The following DDX10 variants were observed in gnomAD, a reference collection of about 807,000 sequenced individuals.
DDX10 encodes DEAD-box helicase 10, also known as probable ATP-dependent RNA helicase DDX10.
In DDX10, 74 loss-of-function variants were observed where a neutral mutation model predicts 104.3. That is an observed-to-expected ratio of 0.71 (90% CI 0.59 to 0.86). DDX10 has a LOEUF of 0.86. DDX10 is among the 40% of genes least tolerant of loss of function. The pLI, the probability that DDX10 is intolerant of heterozygous loss-of-function variation, is 0.00. For missense variants in DDX10, 952 were observed against 1,040.0 expected (o/e 0.92, Z 1.16); for synonymous variants, 351 against 353.4 (o/e 0.99, Z 0.08).
At chr11:108,871,576 C>T (rs1330323314) in intron 16 of DDX10, among the ~76,000 whole-genome samples, 1 of 152,154 alleles carries the variant, frequency 6.6e-6, no homozygotes, top group Admixed American at 6.5e-5. Context: ...CCTTTGTACC[C>T]ATCCATTTGC....
At chr11:108,703,652 A>C (rs901732262) in intron 9 of DDX10, among the ~76,000 whole-genome samples, 1 of 134,638 alleles carries the variant, frequency 7.4e-6, no homozygotes, top group Non-Finnish European at 1.7e-5. Flanking sequence ...TTTGAAGAAC[A>C]CTTATTTCTT....
At chr11:108,859,111 A>G (rs1020338733) in intron 16 of DDX10, among the ~76,000 whole-genome samples, 2 of 152,210 alleles carry the variant, frequency 1.3e-5, no homozygotes, top group African/African-American at 2.4e-5. Context: ...GCTAGCACTC[A>G]GATCCAGGTC....
intron 13 of DDX10, among the ~76,000 whole-genome samples, chr11:108,757,158 AATC>A (rs764451516): frequency 5.3e-5 from 8 of 151,908 alleles, no homozygotes; most frequent in Non-Finnish European, 1.0e-4. Flanking sequence ...CCTCAAACCA[AATC>A]ATCAACCTGT....
chr11:108,843,391 C>T (rs373506933), intron 15 of DDX10, among the ~76,000 whole-genome samples: 2 of 137,722 alleles, frequency 1.5e-5, no homozygotes, highest in African/African-American at 2.7e-5. Flanking sequence ...CTTGCACATC[C>T]TTTTTTTTTT....
intron 16 of DDX10, among the ~76,000 whole-genome samples, chr11:108,852,792 T>TGTCA (rs58615789): frequency 0.052 from 7,904 of 152,308 alleles, 226 homozygotes; most frequent in South Asian, 0.089. Context: ...CTAATGTGTT[T>TGTCA]GTCACTGAGA....
At position 108,796,662 on chromosome 11, in the gene DDX10, T is replaced by C. The variant is rs569483975; in HGVS notation, c.1966-41784T>C. On this transcript the variant is annotated intron_variant, in intron 13 of 17. Coordinates refer to ENST00000322536, the MANE Select transcript of DDX10 (RefSeq NM_004398.4). ...TTAATTCTGGTCTCATTTCCTTTGG[T>C]ATGTAAAGAGAGAATAGCCTTTTTA... Among the ~76,000 whole-genome samples the C allele has an allele frequency of 4.6e-5, 7 of 152,306 alleles. No homozygotes were observed. In the South Asian group the frequency reaches 1.4e-3, roughly 32 times the overall value.
At chr11:108,687,348 C>A (rs2094245810) in intron 6 of DDX10, among the ~76,000 whole-genome samples, 1 of 152,020 alleles carries the variant, frequency 6.6e-6, no homozygotes, top group Non-Finnish European at 1.5e-5. Context: ...ACTCTGTCAC[C>A]CAGGCTAGAG....
intron 13 of DDX10, among the ~76,000 whole-genome samples, chr11:108,831,566 C>T (rs1318529593): frequency 1.3e-5 from 2 of 151,070 alleles, no homozygotes; most frequent in East Asian, 1.9e-4. Context: ...AAATGGTTTT[C>T]ATTATAAATT....
chr11:108,861,651 G>A (rs1862942959), intron 16 of DDX10, among the ~76,000 whole-genome samples: 1 of 152,180 alleles, frequency 6.6e-6, no homozygotes, highest in Admixed American at 6.5e-5. Context: ...TCATTACTGG[G>A]AAGGAGTGTG....
chr11:108,673,023 A>G (rs188816742), intron 1 of DDX10, among the ~76,000 whole-genome samples: 5 of 152,222 alleles, frequency 3.3e-5, no homozygotes, highest in Admixed American at 2.0e-4. Flanking sequence ...ATATTTCTCC[A>G]ACTAATTTCA....
intron 13 of DDX10, among the ~76,000 whole-genome samples, chr11:108,803,937 A>G (rs1272832528): frequency 1.3e-5 from 2 of 152,146 alleles, no homozygotes; most frequent in Admixed American, 6.5e-5. Flanking sequence ...ACATTTCCTC[A>G]CTTTTGGGTT....
intron 16 of DDX10, among the ~76,000 whole-genome samples, chr11:108,890,829 T>G (rs1863366328): frequency 6.6e-6 from 1 of 152,104 alleles, no homozygotes; most frequent in Admixed American, 6.6e-5. Flanking sequence ...AGCTGAAGGT[T>G]GAGACTAAGG....
chr11:108,876,487 T>C (rs1462128004), intron 16 of DDX10, among the ~76,000 whole-genome samples: 2 of 152,146 alleles, frequency 1.3e-5, no homozygotes, highest in Non-Finnish European at 2.9e-5. Flanking sequence ...AGAGGAACTA[T>C]GGATATTTAA....
At chr11:108,839,612 C>G (rs1255033392) in intron 14 of DDX10, among the ~76,000 whole-genome samples, 1 of 152,132 alleles carries the variant, frequency 6.6e-6, no homozygotes, top group Non-Finnish European at 1.5e-5. Context: ...ACTGCTTAAG[C>G]AGCCTCTCCA....
At chr11:108,736,873 A>G (rs963310320) in intron 13 of DDX10, among the ~76,000 whole-genome samples, 1 of 152,212 alleles carries the variant, frequency 6.6e-6, no homozygotes, top group Admixed American at 6.5e-5. Context: ...AGACTAAGAC[A>G]AGTTCTCTAG....
At chr11:108,811,931 C>A (rs1426734011) in intron 13 of DDX10, among the ~76,000 whole-genome samples, 1 of 151,656 alleles carries the variant, frequency 6.6e-6, no homozygotes, top group African/African-American at 2.4e-5. Flanking sequence ...GCATGATAGG[C>A]ATTAATTATT....
chr11:108,887,958 T>TCC lies in DDX10; in HGVS notation c.2305-29915_2305-29914insCC, dbSNP rs745864477. ...AAAAAAGAAAAGAAATACAGCTTTT[T>TCC]TCCCCCCCACTTTCTAGTTACTAAA... On this transcript the variant is annotated intron_variant, in intron 16 of 17. Coordinates refer to ENST00000322536, the MANE Select transcript of DDX10 (RefSeq NM_004398.4). Among the ~76,000 whole-genome samples the TCC allele has an allele frequency of 7.7e-3, 472 of 61,356 alleles. 4 individuals are homozygous for TCC. Among genetic ancestry groups the TCC allele is most frequent in the Middle Eastern group, 0.019 (2 of 108 alleles). The allele number at this position is 61,356 out of a possible 152,430, so 40.3% of individuals were successfully genotyped here. A position where few individuals can be genotyped will look rare whatever the true frequency, so the allele number is the denominator to read the frequency against.
At chr11:108,681,970 C>G (rs2134443142) in intron 6 of DDX10, among the ~76,000 whole-genome samples, 1 of 151,950 alleles carries the variant, frequency 6.6e-6, no homozygotes, top group South Asian at 2.1e-4. Flanking sequence ...TTGCCTTTTT[C>G]TTATTGGCTC....
At chr11:108,780,156 C>T (rs1047092806) in intron 13 of DDX10, among the ~76,000 whole-genome samples, 69 of 152,212 alleles carry the variant, frequency 4.5e-4, no homozygotes, top group African/African-American at 1.5e-3. Flanking sequence ...ATGTGTTTTG[C>T]CACCTTGCTT....
Sources: gnomAD v4.1 joint callset for allele counts (sites outside exome capture counted in the v4.1 genomes callset) on GRCh38, gnomAD v4.1.1 for gene constraint, MANE v1.5 for transcripts, NCBI Gene and HGNC (gene_info 2026-07-23, HGNC 2026-07-21) for gene names.